The following ZPLD1 variants were observed in gnomAD, a reference collection of about 807,000 sequenced individuals.
ZPLD1 encodes the protein zona pellucida-like domain-containing protein 1.
In ZPLD1, 34 loss-of-function variants were observed where a neutral mutation model predicts 47.2. The observed-to-expected ratio is 0.72, with a 90% CI of 0.55 to 0.96. The LOEUF is 0.96. Ranked by LOEUF, ZPLD1 falls within the 40% of genes least tolerant of loss-of-function variation. The pLI, the probability that ZPLD1 is intolerant of heterozygous loss-of-function variation, is 0.00. For synonymous variants in ZPLD1, 176 were observed against 186.2 expected, an observed-to-expected ratio of 0.95 and a Z score of 0.45; for missense variants, 512 against 505.8, an observed-to-expected ratio of 1.01 and a Z score of -0.12.
At chr3:102,464,726 A>G (rs1330503195) in intron 8 of ZPLD1, among the ~76,000 whole-genome samples, 1 of 152,000 alleles carries the variant, frequency 6.6e-6, no homozygotes, top group East Asian at 1.9e-4. Context: ...ATAACCTACC[A>G]CTCCTTTTCT....
chr3:102,446,920 A>G (rs887687365), intron 3 of ZPLD1, among the ~76,000 whole-genome samples: 1 of 152,190 alleles, frequency 6.6e-6, no homozygotes, highest in Non-Finnish European at 1.5e-5. Context: ...CTGGCACATG[A>G]TATGTACACA....
chr3:102,426,008 T>C (rs749304811), intron 8 of ZPLD1, among the ~76,000 whole-genome samples: 61 of 152,034 alleles, frequency 4.0e-4, no homozygotes, highest in Admixed American at 1.2e-3. Flanking sequence ...GAATAAATTA[T>C]CTATAGGTCA....
At chr3:102,399,031 G>A (rs1367893313) in intron 7 of ZPLD1, among the ~76,000 whole-genome samples, 1 of 152,008 alleles carries the variant, frequency 6.6e-6, no homozygotes, top group South Asian at 2.1e-4. Flanking sequence ...AGCAAAACAA[G>A]AACTATGAAA....
intron 7 of ZPLD1, among the ~76,000 whole-genome samples, chr3:102,405,683 T>C (rs1247889802): frequency 3.3e-5 from 5 of 152,102 alleles, no homozygotes; most frequent in Non-Finnish European, 1.5e-5. Context: ...CAGTGTCAGC[T>C]ATAACCAGAT....
chr3:102,387,448 T>TA (rs1324341255), intron 6 of ZPLD1, among the ~76,000 whole-genome samples: 1 of 152,182 alleles, frequency 6.6e-6, no homozygotes, highest in South Asian at 2.1e-4. Context: ...TGTCATCATT[T>TA]AAAAAAATTT....
At chr3:102,393,593 A>C in intron 7 of ZPLD1, among the ~76,000 whole-genome samples, 1 of 151,832 alleles carries the variant, frequency 6.6e-6, no homozygotes, top group African/African-American at 2.4e-5. Flanking sequence ...AATCTACCTA[A>C]CCTGATGTAT....
At chr3:102,447,031 T>C (rs1707265884) in intron 3 of ZPLD1, among the ~76,000 whole-genome samples, 1 of 152,126 alleles carries the variant, frequency 6.6e-6, no homozygotes, top group South Asian at 2.1e-4. Context: ...AGAAAATTTA[T>C]GGTACTGATT....
intron 7 of ZPLD1, among the ~76,000 whole-genome samples, chr3:102,396,438 A>G (rs1287711817): frequency 6.6e-6 from 1 of 152,122 alleles, no homozygotes; most frequent in East Asian, 1.9e-4. Flanking sequence ...TTTCACGCAG[A>G]CTAGTTTTCT....
At chr3:102,385,195 C>G (rs906393454) in exon 6 of ZPLD1, 2 of 152,160 alleles carry the variant, frequency 1.3e-5, no homozygotes, top group African/African-American at 4.8e-5. Context: ...CTAAAAGTCT[C>G]CACATTTGTC....
intron 3 of ZPLD1, among the ~76,000 whole-genome samples, chr3:102,450,532 A>C (rs1475352688): frequency 6.6e-6 from 1 of 152,184 alleles, no homozygotes; most frequent in Non-Finnish European, 1.5e-5. Context: ...AGGGAGGAGC[A>C]TGCAGAGGTA....
intron 7 of ZPLD1, among the ~76,000 whole-genome samples, chr3:102,402,873 G>A (rs1227328860): frequency 1.3e-5 from 2 of 151,866 alleles, no homozygotes; most frequent in Non-Finnish European, 2.9e-5. Flanking sequence ...GTGACTGTGG[G>A]ATAATGAAAC....
chr3:102,457,777 T>A lies in ZPLD1; in HGVS notation c.510-4T>A, dbSNP rs1707440743. 2 of 1,613,774 alleles carry A rather than the reference T, an allele frequency of 1.2e-6. No homozygotes were observed. The highest frequency in any genetic ancestry group is 1.3e-5 in the African/African-American group (1 of 74,906). On this transcript the variant is annotated splice_region_variant and splice_polypyrimidine_tract_variant and intron_variant, in intron 5 of 11. Transcript: ENST00000466937. ...GTGCTTTCCTTTTTCTAAATGTGTT[T>A]TAGGTCCTCAGCGGCTATTTCTGTG...
intron 8 of ZPLD1, among the ~76,000 whole-genome samples, chr3:102,465,111 G>T (rs991903035): frequency 2.0e-5 from 3 of 152,138 alleles, no homozygotes; most frequent in African/African-American, 7.2e-5. Context: ...GGGAAAAATT[G>T]TCAGTATGTA....
intron 7 of ZPLD1, among the ~76,000 whole-genome samples, chr3:102,412,088 A>G (rs1706752847): frequency 6.6e-6 from 1 of 151,328 alleles, no homozygotes; most frequent in South Asian, 2.1e-4. Context: ...TTCTTGGGAA[A>G]CCTCTGTCTT....
intron 7 of ZPLD1, among the ~76,000 whole-genome samples, chr3:102,399,074 T>A (rs1706590159): frequency 6.6e-6 from 1 of 152,118 alleles, no homozygotes; most frequent in Admixed American, 6.6e-5. Flanking sequence ...ATCTCCAGAA[T>A]CTTTCCCCAC....
intron 7 of ZPLD1, among the ~76,000 whole-genome samples, chr3:102,408,040 A>C (rs1353097058): frequency 6.6e-6 from 1 of 151,878 alleles, no homozygotes; most frequent in Non-Finnish European, 1.5e-5. Flanking sequence ...CAGAAACTTA[A>C]AGAAAGTGCT....
At chr3:102,458,077 CGTAA>C (rs1707447029) in intron 6 of ZPLD1, among the ~76,000 whole-genome samples, 1 of 151,998 alleles carries the variant, frequency 6.6e-6, no homozygotes, top group Non-Finnish European at 1.5e-5. Flanking sequence ...AATTTTATAT[CGTAA>C]GTGTGATTTT....
chr3:102,459,282 A>T (rs539775286), intron 6 of ZPLD1, among the ~76,000 whole-genome samples: 2 of 152,158 alleles, frequency 1.3e-5, no homozygotes, highest in African/African-American at 4.8e-5. Flanking sequence ...TCTGAGCTTG[A>T]GTTGAGATTA....
At chr3:102,434,549 T>C (rs1707057645), upstream of ZPLD1, among the ~76,000 whole-genome samples, 1 of 152,210 alleles carries the variant, frequency 6.6e-6, no homozygotes, top group South Asian at 2.1e-4. Context: ...AAATTCAACA[T>C]TTTACTTATA....
Sources: gnomAD v4.1 joint callset for allele counts (sites outside exome capture counted in the v4.1 genomes callset) on GRCh38, gnomAD v4.1.1 for gene constraint, MANE v1.5 for transcripts, NCBI Gene and HGNC (gene_info 2026-07-23, HGNC 2026-07-21) for gene names.